Variants in MID1 observed in about 807,000 individuals in gnomAD.
MID1 encodes the protein midline 1.
Under a neutral mutation model 40.4 loss-of-function variants are expected in MID1, and 7 were observed. The ratio of observed to expected loss-of-function variants is 0.17; its 90% CI spans 0.10 to 0.33. The LOEUF is 0.33. MID1 is among the 10% of genes least tolerant of loss of function. MID1 has a pLI of 1.00. For synonymous variants in MID1, 229 were observed against 221.2 expected (o/e 1.04, Z -0.31); for missense variants, 367 against 558.5 (o/e 0.66, Z 3.46).
chrX:10,453,584 G>A (rs1438273603), intron 9 of MID1, among the ~76,000 whole-genome samples: 2 of 111,827 alleles, frequency 1.8e-5, no homozygotes, highest in African/African-American at 6.5e-5. Flanking sequence ...ACTACCCAGG[G>A]GCCAACTCTG....
At chrX:10,685,541 G>A (rs1329962405) in intron 1 of MID1, among the ~76,000 whole-genome samples, 1 of 111,693 alleles carries the variant, frequency 9.0e-6, no homozygotes, top group Non-Finnish European at 1.9e-5. Flanking sequence ...ATTCCAGAGA[G>A]GGTCTTGCCT....
Position 10,495,639 on chromosome X carries a change from A to G in MID1, c.809T>C (p.Ile270Thr), listed in dbSNP as rs2147321534. Residue 270 changes from isoleucine (I) to threonine (T), a missense_variant, in exon 4 of 10, where the codon ATT becomes ACT. This residue lies in a region of MID1 where 275 missense variants were observed against 383.1 expected (regional missense o/e 0.72). Coordinates refer to ENST00000317552, the MANE Select transcript of MID1 (RefSeq NM_000381.4). ...CTGTCGTCTTTGCTGAATGATCTCA[A>G]TGAGAAGATCACACTCCTCTGTCAA... ...AKLTEECDLL[I>T]EIIQQRRQII... 1.7e-6 allele frequency: 2 copies of G among 1,210,273 alleles called. No individual in the cohort carries two copies. The highest frequency in any genetic ancestry group is 3.5e-5 in the African/African-American group (2 of 57,733).
intron 1 of MID1, among the ~76,000 whole-genome samples, chrX:10,688,507 C>T (rs994616780): frequency 7.2e-5 from 8 of 111,852 alleles, no homozygotes; most frequent in African/African-American, 1.6e-4. Flanking sequence ...ATTTTGTCTA[C>T]GGTACTCACA....
intron 1 of MID1, among the ~76,000 whole-genome samples, chrX:10,749,933 G>A (rs994497345): frequency 2.7e-5 from 3 of 111,423 alleles, no homozygotes; most frequent in Non-Finnish European, 5.7e-5. Flanking sequence ...AGATTTGGGC[G>A]GGGACACATA....
intron 7 of MID1, among the ~76,000 whole-genome samples, chrX:10,467,438 T>C (rs892893294): frequency 8.9e-6 from 1 of 112,029 alleles, no homozygotes; most frequent in African/African-American, 3.2e-5. Context: ...CTGAGGACAC[T>C]GATGATTTTT....
chrX:10,554,673 C>G (rs1044452126), intron 2 of MID1, among the ~76,000 whole-genome samples: 1 of 111,310 alleles, frequency 9.0e-6, no homozygotes, highest in South Asian at 3.9e-4. Flanking sequence ...CCCTCTAGAG[C>G]TTAAATCAGC....
At chrX:10,495,795 A>G in intron 3 of MID1, 104 bp from the exon 4 acceptor site, 1 of 599,296 alleles carries the variant, frequency 1.7e-6, no homozygotes, top group South Asian at 2.4e-5. Flanking sequence ...CTGAAAAGAT[A>G]TTTTAAATGT....
chrX:10,798,406 T>A (rs1018891989), intron 1 of MID1, among the ~76,000 whole-genome samples: 2 of 112,262 alleles, frequency 1.8e-5, no homozygotes, highest in East Asian at 5.6e-4. Context: ...GCTCCCCTCC[T>A]CTCTCCTAGT....
intron 1 of MID1, among the ~76,000 whole-genome samples, chrX:10,683,386 A>C (rs763754668): frequency 2.2e-4 from 24 of 110,727 alleles, no homozygotes; most frequent in Non-Finnish European, 4.3e-4. Context: ...TCTACAAAAA[A>C]GTTTAAAAAT....
intron 1 of MID1, among the ~76,000 whole-genome samples, chrX:10,577,550 T>C (rs1373385153): frequency 1.8e-5 from 2 of 110,112 alleles, no homozygotes; most frequent in East Asian, 5.7e-4. Flanking sequence ...CAATCTATCA[T>C]CCTGATAAAC....
At position 10,769,157 on chromosome X, in the gene MID1, T is replaced by C. The variant is rs766152665; in HGVS notation, c.-187+64397A>G. Among the ~76,000 whole-genome samples, 7 of 111,875 alleles carry C rather than the reference T, an allele frequency of 6.3e-5. No homozygotes were observed. In the East Asian group the frequency reaches 1.9e-3, roughly 31 times the overall value. On this transcript the variant is annotated intron_variant, in intron 1 of 10. Coordinates refer to the MID1 transcript ENST00000380785. ...TTTCCTGCTCTGCCTATTTAGAAAA[T>C]GTATCCAAATAACCCATGATGGCAC...
chrX:10,669,230 T>TA (rs761817483), intron 1 of MID1, among the ~76,000 whole-genome samples: 2,596 of 47,004 alleles, frequency 0.055, 119 homozygotes, highest in African/African-American at 0.099. Flanking sequence ...CGTCTCAAAA[T>TA]AAAAAAAAAA....
At chrX:10,802,469 T>C (rs764747131) in intron 1 of MID1, among the ~76,000 whole-genome samples, 21 of 111,510 alleles carry the variant, frequency 1.9e-4, no homozygotes, top group Non-Finnish European at 3.0e-4. Flanking sequence ...CACAATAAGA[T>C]ATCATCTCAC....
intron 1 of MID1, among the ~76,000 whole-genome samples, chrX:10,642,056 T>C (rs1052965486): frequency 2.4e-4 from 27 of 112,084 alleles, no homozygotes; most frequent in Non-Finnish European, 4.9e-4. Flanking sequence ...TTACAGCCAA[T>C]ATCATACTGA....
intron 1 of MID1, among the ~76,000 whole-genome samples, chrX:10,636,005 CTA>C (rs1190836499): frequency 8.9e-6 from 1 of 111,822 alleles, no homozygotes; most frequent in Non-Finnish European, 1.9e-5. Flanking sequence ...TCCTTCTTAC[CTA>C]ACTATAGATA....
intron 2 of MID1, among the ~76,000 whole-genome samples, chrX:10,536,298 G>A (rs1933251493): frequency 9.0e-6 from 1 of 110,976 alleles, no homozygotes; most frequent in Admixed American, 9.5e-5. Context: ...ACTTGCCTGG[G>A]GAAAAAAAAA....
intron 1 of MID1, among the ~76,000 whole-genome samples, chrX:10,700,254 G>A (rs1355607124): frequency 1.8e-5 from 2 of 111,892 alleles, no homozygotes; most frequent in Non-Finnish European, 3.8e-5. Flanking sequence ...AAAAATATGA[G>A]TATAGAAGAT....
At chrX:10,767,437 C>T (rs773902635) in intron 1 of MID1, among the ~76,000 whole-genome samples, 29 of 110,748 alleles carry the variant, frequency 2.6e-4, no homozygotes, top group African/African-American at 8.2e-4. Flanking sequence ...TCTCCTGCCT[C>T]ACCTCTCAAG....
chrX:10,682,496 T>C (rs141487414), intron 1 of MID1, among the ~76,000 whole-genome samples: 2,170 of 111,413 alleles, frequency 0.019, 51 homozygotes, highest in African/African-American at 0.067. Context: ...AATAAAAATT[T>C]TATTTTTCAT....
Sources: gnomAD v4.1 joint callset for allele counts (sites outside exome capture counted in the v4.1 genomes callset) on GRCh38, gnomAD v4.1.1 for gene constraint, gnomAD v4.1.1 regional missense constraint, MANE v1.5 for transcripts, NCBI Gene and HGNC (gene_info 2026-07-23, HGNC 2026-07-21) for gene names.